Variants in EGFLAM observed in about 807,000 individuals in gnomAD.
The protein encoded by EGFLAM is pikachurin.
EGFLAM carries 79 observed loss-of-function variants against 113.1 expected under a neutral mutation model. The ratio of observed to expected loss-of-function variants is 0.70; its 90% CI spans 0.58 to 0.84. EGFLAM has a LOEUF of 0.84. Among genes scored for constraint, EGFLAM ranks in the 40% least tolerant of loss-of-function variants. The probability of loss-of-function intolerance (pLI) is 0.00; values close to 1 mark genes in which losing one functional copy is unlikely to be tolerated. For synonymous variants in EGFLAM, 504 were observed against 487.6 expected, an observed-to-expected ratio of 1.03 and a Z score of -0.44; for missense variants, 1,265 against 1,291.6, an observed-to-expected ratio of 0.98 and a Z score of 0.32.
At chr5:38,424,632 A>C (rs1481771964) in intron 12 of EGFLAM, among the ~76,000 whole-genome samples, 1 of 152,214 alleles carries the variant, frequency 6.6e-6, no homozygotes, top group Non-Finnish European at 1.5e-5. Flanking sequence ...CTCTGTTGGG[A>C]GCAAGAGAGA....
chr5:38,286,780 A>G (rs566262802), intron 1 of EGFLAM, among the ~76,000 whole-genome samples: 6 of 152,254 alleles, frequency 3.9e-5, no homozygotes, highest in Non-Finnish European at 8.8e-5. Context: ...TAGTTTACAC[A>G]GATTATAAAA....
At chr5:38,325,555 T>A (rs1307561192) in intron 1 of EGFLAM, among the ~76,000 whole-genome samples, 1 of 152,326 alleles carries the variant, frequency 6.6e-6, no homozygotes, top group Admixed American at 6.5e-5. Flanking sequence ...TAGACTAAGG[T>A]TTGAGCATTG....
intron 1 of EGFLAM, among the ~76,000 whole-genome samples, chr5:38,271,049 G>A (rs1009309228): frequency 1.3e-5 from 2 of 151,980 alleles, no homozygotes; most frequent in African/African-American, 4.8e-5. Context: ...AGGACTTTTG[G>A]TGTTTATATT....
At chr5:38,302,862 C>T (rs1005817198) in intron 1 of EGFLAM, among the ~76,000 whole-genome samples, 4 of 152,114 alleles carry the variant, frequency 2.6e-5, no homozygotes, top group African/African-American at 9.7e-5. Context: ...TTTTTCCAAA[C>T]AGGCCATAAG....
At chr5:38,320,340 G>T (rs888886219) in intron 1 of EGFLAM, among the ~76,000 whole-genome samples, 1 of 152,194 alleles carries the variant, frequency 6.6e-6, no homozygotes, top group Non-Finnish European at 1.5e-5. Context: ...TAGAAACAGG[G>T]TGGGGTCCAG....
chr5:38,328,510 G>C (rs571153965), intron 1 of EGFLAM, among the ~76,000 whole-genome samples: 1 of 152,090 alleles, frequency 6.6e-6, no homozygotes. Flanking sequence ...GCATATTGCC[G>C]CCAAAGTGTC....
chr5:38,271,922 A>G (rs1757774897), intron 1 of EGFLAM, among the ~76,000 whole-genome samples: 1 of 152,238 alleles, frequency 6.6e-6, no homozygotes, highest in Admixed American at 6.5e-5. Context: ...TGGGGCAAAT[A>G]CATTTTCACA....
intron 1 of EGFLAM, among the ~76,000 whole-genome samples, chr5:38,307,300 A>G (rs1321195779): frequency 6.6e-6 from 1 of 152,186 alleles, no homozygotes; most frequent in African/African-American, 2.4e-5. Flanking sequence ...CTTGAATTGT[A>G]GTTCCCATAA....
chr5:38,294,603 A>T (rs1414946808), intron 1 of EGFLAM, among the ~76,000 whole-genome samples: 1 of 152,148 alleles, frequency 6.6e-6, no homozygotes, highest in African/African-American at 2.4e-5. Flanking sequence ...TGCTGAAATG[A>T]CATTGCAGAT....
rs997316610 is a variant in EGFLAM, at chr5:38,407,231, C to T, written c.1147+85C>T. ...GCAGTTTTGTGGTCCAAACATAGTT[C>T]CTTCTAGTCCCTTCTCCAAGATAAG... is the stretch of plus-strand genomic sequence containing the variant. On this transcript the variant is annotated intron_variant, in intron 8 of 21. Coordinates refer to ENST00000322350, the MANE Select transcript of EGFLAM (RefSeq NM_152403.4). 3.0e-6 allele frequency: 4 copies of T among 1,341,352 alleles called. No homozygotes were observed. In the African/African-American group the frequency reaches 4.4e-5, roughly 15 times the overall value. 83.1% of individuals were successfully genotyped at this position (1,341,352 alleles called of 1,614,324 possible). A position where few individuals can be genotyped will look rare whatever the true frequency, so the allele number is the denominator to read the frequency against.
intron 6 of EGFLAM, among the ~76,000 whole-genome samples, chr5:38,372,100 A>G (rs1344194199): frequency 6.6e-6 from 1 of 151,724 alleles, no homozygotes; most frequent in African/African-American, 2.4e-5. Context: ...TAGAGACTGG[A>G]GTCAGGGAAG....
intron 17 of EGFLAM, among the ~76,000 whole-genome samples, chr5:38,438,676 A>T (rs1742438583): frequency 6.6e-6 from 1 of 152,210 alleles, no homozygotes; most frequent in South Asian, 2.1e-4. Context: ...CAGTGAGTAA[A>T]TAGGTTCCCC....
At position 38,441,848 on chromosome 5, in the gene EGFLAM, C is replaced by G. The variant is rs368388255; in HGVS notation, c.2464+3393C>G. Among the ~76,000 whole-genome samples, 56 of 152,250 alleles carry G rather than the reference C, an allele frequency of 3.7e-4. No homozygotes were observed. In the East Asian group the frequency reaches 0.01, roughly 28 times the overall value. ...AAGCTTTGGCCCTTGCTTCCCTTCC[C>G]TGTGTTTCTAGAACAGCTTCAATTC... On this transcript the variant is annotated intron_variant, in intron 17 of 21. Transcript: ENST00000322350.
intron 18 of EGFLAM, among the ~76,000 whole-genome samples, chr5:38,448,786 C>T (rs1742809237): frequency 6.6e-6 from 1 of 152,182 alleles, no homozygotes; most frequent in Admixed American, 6.5e-5. Flanking sequence ...CCAGAGTGTG[C>T]AGCTCTGACC....
chr5:38,342,444 G>C (rs917140556), intron 3 of EGFLAM, among the ~76,000 whole-genome samples: 1 of 152,124 alleles, frequency 6.6e-6, no homozygotes, highest in African/African-American at 2.4e-5. Context: ...AGGTAGATTT[G>C]GTTTTCTGGA....
intron 6 of EGFLAM, among the ~76,000 whole-genome samples, chr5:38,383,902 C>G (rs117848403): frequency 6.6e-6 from 1 of 151,830 alleles, no homozygotes; most frequent in African/African-American, 2.4e-5. Flanking sequence ...AAGAGGCCCA[C>G]GTGGTGGGAA....
Position 38,288,391 on chromosome 5 carries a change from G to A in EGFLAM, c.97+29540G>A, listed in dbSNP as rs114042370. Among the ~76,000 whole-genome samples the A allele has an allele frequency of 3.0e-3, 454 of 152,290 alleles. 1 individual carries two copies. The highest frequency in any genetic ancestry group is 9.2e-3 in the African/African-American group (381 of 41,560). ...ATGGAAAAAACATATTGCCAGGAAA[G>A]ATAGGGTCTCCACTGTGATATAATC... On this transcript the variant is annotated intron_variant, in intron 1 of 21. Transcript: ENST00000322350.
chr5:38,310,552 C>T (rs1453743574), intron 1 of EGFLAM, among the ~76,000 whole-genome samples: 1 of 152,054 alleles, frequency 6.6e-6, no homozygotes, highest in African/African-American at 2.4e-5. Flanking sequence ...TTCCCTCCTA[C>T]CTTCTTCATT....
chr5:38,427,166 A>T lies in EGFLAM; in HGVS notation c.1968A>T (p.Thr656=), dbSNP rs1266489247. Residue 656 remains threonine, a synonymous_variant, in exon 14 of 22, where the codon ACA becomes ACT. Coordinates refer to ENST00000322350, the MANE Select transcript of EGFLAM (RefSeq NM_152403.4). The stretch of plus-strand genomic sequence containing the variant: ...GTGTCCTCCTGTACAGCTATGACAC[A>T]GGCAGCAAAGACTTCCTGTCCATCA... ...GDGVLLYSYD[T]GSKDFLSINL... The T allele has an allele frequency of 6.2e-7, 1 of 1,614,200 alleles. No homozygotes were observed. Among genetic ancestry groups the T allele is most frequent in the East Asian group, 2.2e-5 (1 of 44,880 alleles).
Sources: allele counts gnomAD v4.1 joint callset (sites outside exome capture counted in the v4.1 genomes callset), GRCh38; gene constraint gnomAD v4.1.1; transcripts MANE v1.5; gene names NCBI Gene and HGNC (gene_info 2026-07-23, HGNC 2026-07-21).